The following LRP6 variants were observed in gnomAD, a reference collection of about 807,000 sequenced individuals.
LRP6 encodes the protein low-density lipoprotein receptor-related protein 6.
A neutral mutation model predicts 184.1 loss-of-function variants in LRP6; 43 were observed. The ratio of observed to expected loss-of-function variants is 0.23; its 90% CI spans 0.18 to 0.30. The LOEUF (loss-of-function observed/expected upper bound fraction) is 0.30, where lower values mean the gene tolerates loss of function less well. Ranked by LOEUF, LRP6 falls within the 10% of genes least tolerant of loss-of-function variation. LRP6 has a pLI of 1.00. For missense variants in LRP6, 1,571 were observed against 2,005.3 expected, an observed-to-expected ratio of 0.78 and a Z score of 4.14; for synonymous variants, 719 against 684.9, an observed-to-expected ratio of 1.05 and a Z score of -0.78.
At chr12:12,138,050 A>G (rs564441482) in intron 16 of LRP6, among the ~76,000 whole-genome samples, 10 of 152,176 alleles carry the variant, frequency 6.6e-5, no homozygotes, top group African/African-American at 2.2e-4. Context: ...ATGCACCTGT[A>G]ATCCCAGCTA....
intron 1 of LRP6, 91 bp downstream of exon 1, chr12:12,266,590 T>G: frequency 4.7e-6 from 4 of 845,912 alleles, no homozygotes; most frequent in East Asian, 3.1e-5. Context: ...CCCTTCTCCC[T>G]TCCTCCGTCC....
At chr12:12,191,954 G>T (rs1295912858) in intron 3 of LRP6, among the ~76,000 whole-genome samples, 1 of 152,044 alleles carries the variant, frequency 6.6e-6, no homozygotes, top group Non-Finnish European at 1.5e-5. Flanking sequence ...GACTCCAGAT[G>T]GTAACTTGAA....
chr12:12,189,680 T>C (rs1359690084), intron 3 of LRP6, among the ~76,000 whole-genome samples: 3 of 152,146 alleles, frequency 2.0e-5, no homozygotes, highest in Admixed American at 6.5e-5. Context: ...TTTGTATTTT[T>C]AGTAGAGATG....
At chr12:12,242,984 T>C (rs1233951773) in intron 2 of LRP6, among the ~76,000 whole-genome samples, 1 of 152,222 alleles carries the variant, frequency 6.6e-6, no homozygotes, top group Non-Finnish European at 1.5e-5. Flanking sequence ...ATTCACTCCT[T>C]TCTATAAGTG....
At chr12:12,131,102 T>C (rs977513357) in intron 18 of LRP6, among the ~76,000 whole-genome samples, 77 of 133,474 alleles carry the variant, frequency 5.8e-4, no homozygotes, top group Middle Eastern at 3.6e-3. Context: ...CTAACATTTT[T>C]TTTTTTTTTT....
rs1225731677 is a variant in LRP6 at position 12,266,950 on chromosome 12, G to T, written c.-215C>A. ...GGCCCCGGGCTCGCGCGACGCCAGCGTCTGCTTCCATCCCGCCGCCTCCTC... is the reference window on the plus strand; with the variant it reads ...GGCCCCGGGCTCGCGCGACGCCAGCTTCTGCTTCCATCCCGCCGCCTCCTC... On this transcript the variant is annotated 5_prime_UTR_variant, in exon 1 of 23. Coordinates refer to ENST00000261349, the MANE Select transcript of LRP6 (RefSeq NM_002336.3). 1.4e-5 allele frequency: 8 copies of T among 563,972 alleles called. No individual in the cohort carries two copies. Among genetic ancestry groups the T allele is most frequent in the Non-Finnish European group, 2.5e-5 (8 of 322,744 alleles). 34.9% of individuals were successfully genotyped at this position (563,972 alleles called of 1,614,324 possible). A position where few individuals can be genotyped will look rare whatever the true frequency, so the allele number is the denominator to read the frequency against.
intron 2 of LRP6, among the ~76,000 whole-genome samples, chr12:12,212,814 A>C (rs1007440833): frequency 2.6e-5 from 4 of 152,160 alleles, no homozygotes; most frequent in Non-Finnish European, 5.9e-5. Flanking sequence ...CTACCTTTCT[A>C]ATAAATACAT....
At chr12:12,246,518 C>T (rs1435954081) in intron 1 of LRP6, among the ~76,000 whole-genome samples, 2 of 151,658 alleles carry the variant, frequency 1.3e-5, no homozygotes, top group African/African-American at 4.8e-5. Flanking sequence ...CATGGAAACC[C>T]CATCTCTACA....
Position 12,162,554 on chromosome 12 carries a change from C to G in LRP6, c.2053-135G>C, listed in dbSNP as rs142759573. 310 of 728,766 alleles carry G rather than the reference C, an allele frequency of 4.3e-4. No homozygotes were observed. The African/African-American group carries it at 4.7e-3, about 11-fold the overall frequency. The allele number at this position is 728,766 out of a possible 1,614,324, so 45.1% of individuals were successfully genotyped here. ...AGGCATACTATTTCCTATTAAAATT[C>G]ACATAACTTGCAAGCACAGAAAAAT... On this transcript the variant is annotated intron_variant, in intron 9 of 22. Transcript: ENST00000261349.
intron 7 of LRP6, among the ~76,000 whole-genome samples, chr12:12,167,536 G>C (rs967898376): frequency 1.3e-5 from 2 of 151,876 alleles, no homozygotes; most frequent in African/African-American, 4.8e-5. Context: ...CCAGCTACTC[G>C]GGAGGCTGAG....
intron 2 of LRP6, among the ~76,000 whole-genome samples, chr12:12,219,920 C>T (rs1444939345): frequency 6.6e-6 from 1 of 152,160 alleles, no homozygotes; most frequent in African/African-American, 2.4e-5. Context: ...GCGACAGAAG[C>T]AAGCCCCATA....
intron 2 of LRP6, among the ~76,000 whole-genome samples, chr12:12,221,439 G>C (rs558415327): frequency 1.3e-5 from 2 of 151,950 alleles, no homozygotes; most frequent in Non-Finnish European, 2.9e-5. Flanking sequence ...TTCCCTCTCT[G>C]ACACACACAC....
chr12:12,259,873 ACT>A (rs1865569579), intron 1 of LRP6, among the ~76,000 whole-genome samples: 1 of 152,176 alleles, frequency 6.6e-6, no homozygotes. Context: ...CAATGCAGAA[ACT>A]CAGTATAGCA....
chr12:12,144,689 T>C (rs1324917258), intron 15 of LRP6, among the ~76,000 whole-genome samples: 1 of 151,970 alleles, frequency 6.6e-6, no homozygotes, highest in Non-Finnish European at 1.5e-5. Context: ...CATAAGTAAC[T>C]AATGTACAAA....
intron 1 of LRP6, chr12:12,248,892 A>G (rs1055873963): frequency 3.1e-6 from 1 of 327,778 alleles, no homozygotes; most frequent in African/African-American, 2.1e-5. Flanking sequence ...GTCTTGTTTC[A>G]AACCTTCCAC....
At chr12:12,226,159 G>A (rs1032313235) in intron 2 of LRP6, among the ~76,000 whole-genome samples, 1 of 152,160 alleles carries the variant, frequency 6.6e-6, no homozygotes, top group Admixed American at 6.5e-5. Flanking sequence ...GGCAATGGCT[G>A]ACTAAACAAC....
intron 15 of LRP6, among the ~76,000 whole-genome samples, chr12:12,139,655 C>G (rs1949900932): frequency 6.6e-6 from 1 of 151,606 alleles, no homozygotes; most frequent in African/African-American, 2.4e-5. Context: ...CCAGGGAGGT[C>G]AAGGCTGTAG....
chr12:12,166,188 C>T (rs1862874371), intron 7 of LRP6, among the ~76,000 whole-genome samples: 1 of 152,124 alleles, frequency 6.6e-6, no homozygotes, highest in Non-Finnish European at 1.5e-5. Flanking sequence ...CTAATTTGCC[C>T]AGCACGCAGG....
chr12:12,238,644 G>T (rs779468535), intron 2 of LRP6, among the ~76,000 whole-genome samples: 1 of 152,056 alleles, frequency 6.6e-6, no homozygotes, highest in Non-Finnish European at 1.5e-5. Context: ...TAATCACGTA[G>T]AATTCTATAC....
Sources: allele counts gnomAD v4.1 joint callset (sites outside exome capture counted in the v4.1 genomes callset), GRCh38; gene constraint gnomAD v4.1.1; transcripts MANE v1.5; gene names NCBI Gene and HGNC (gene_info 2026-07-23, HGNC 2026-07-21).